The following ZNF451 variants were observed in gnomAD, a reference collection of about 807,000 sequenced individuals.
ZNF451 encodes the protein zinc finger protein 451, also known as E3 SUMO-protein ligase ZNF451.
Under a neutral mutation model 107.1 loss-of-function variants are expected in ZNF451, and 80 were observed. The ratio of observed to expected loss-of-function variants is 0.75; its 90% CI spans 0.62 to 0.90. The LOEUF is 0.90. ZNF451 is among the 40% of genes least tolerant of loss of function. The probability of loss-of-function intolerance (pLI) is 0.00; values close to 1 mark genes in which losing one functional copy is unlikely to be tolerated. For missense variants in ZNF451, 1,107 were observed against 1,236.2 expected (o/e 0.90, Z 1.57); for synonymous variants, 362 against 406.5 (o/e 0.89, Z 1.32).
intron 13 of ZNF451, among the ~76,000 whole-genome samples, chr6:57,157,841 C>T (rs1763502457): frequency 6.6e-6 from 1 of 152,014 alleles, no homozygotes; most frequent in South Asian, 2.1e-4. Context: ...GCAGATATAA[C>T]TTGTCACTTA....
At chr6:57,108,908 A>G in intron 3 of ZNF451, 1 of 985,434 alleles carries the variant, frequency 1.0e-6, no homozygotes, top group Non-Finnish European at 1.2e-6. Flanking sequence ...ACTGAGCTTT[A>G]AATATGGACT....
intron 3 of ZNF451, chr6:57,106,035 C>T: frequency 1.0e-6 from 1 of 983,048 alleles, no homozygotes; most frequent in Non-Finnish European, 1.2e-6. Context: ...TAGTACTACA[C>T]TAATAATTTA....
At position 57,147,866 on chromosome 6, in the gene ZNF451, A is replaced by C; in HGVS notation, c.1781A>C (p.Asp594Ala). 6.2e-7 allele frequency: 1 copy of C among 1,614,150 alleles called. No homozygotes were observed. The highest frequency in any genetic ancestry group is 2.2e-5 in the East Asian group (1 of 44,880). Residue 594 changes from aspartate (D) to alanine (A), a missense_variant, in exon 10 of 15, where the codon GAT (aspartate) becomes GCT (alanine). Around this residue, in one of 5 missense-constraint regions of ZNF451, gnomAD observed 608 missense variants for 649.2 expected, o/e 0.94. Coordinates refer to ENST00000370706, the MANE Select transcript of ZNF451 (RefSeq NM_001031623.3). ...NKPSSAITVI[D>A]HSPANSSPRG... Reference sequence around the variant, plus strand: ...CCTTCATCAGCTATTACTGTTATTGATCATTCCCCGGCAAATAGTTCTCCG... The same window carrying C: ...CCTTCATCAGCTATTACTGTTATTGCTCATTCCCCGGCAAATAGTTCTCCG...
intron 2 of ZNF451, among the ~76,000 whole-genome samples, chr6:57,098,480 A>G (rs550058502): frequency 5.9e-5 from 9 of 152,060 alleles, no homozygotes; most frequent in African/African-American, 2.2e-4. Flanking sequence ...ATACTCCTCT[A>G]TGTGATTGAT....
chr6:57,092,926 A>G (rs1214058650), intron 2 of ZNF451: 1 of 152,212 alleles, frequency 6.6e-6, no homozygotes, highest in East Asian at 1.9e-4. Flanking sequence ...TTATTGAAAT[A>G]TACATAAAAG....
chr6:57,108,285 T>A lies in ZNF451; in HGVS notation c.186+9144T>A, dbSNP rs1275033571. 5.1e-6 allele frequency: 5 copies of A among 985,358 alleles called. No individual in the cohort carries two copies. In the East Asian group the frequency reaches 4.5e-4, roughly 89 times the overall value. 61.0% of individuals were successfully genotyped at this position (985,358 alleles called of 1,614,324 possible). Reference sequence around the variant, plus strand: ...TAGTACTGTTTTCTTTCATTACCCGTAAGAGTGGCTCTATCACAGCATTTA... The same window carrying A: ...TAGTACTGTTTTCTTTCATTACCCGAAAGAGTGGCTCTATCACAGCATTTA... On this transcript the variant is annotated intron_variant, in intron 3 of 14. Coordinates refer to ENST00000370706, the MANE Select transcript of ZNF451 (RefSeq NM_001031623.3).
chr6:57,117,548 T>C (rs1830432358), intron 3 of ZNF451, among the ~76,000 whole-genome samples: 2 of 152,186 alleles, frequency 1.3e-5, no homozygotes, highest in South Asian at 4.1e-4. Context: ...ATCTTCCTAG[T>C]GTCGTGAGTA....
At chr6:57,096,494 T>G (rs1468374313) in intron 2 of ZNF451, among the ~76,000 whole-genome samples, 2 of 151,566 alleles carry the variant, frequency 1.3e-5, no homozygotes, top group Admixed American at 6.6e-5. Context: ...CCTGTTTATC[T>G]TATTTTTTTC....
intron 13 of ZNF451, among the ~76,000 whole-genome samples, chr6:57,156,832 A>C (rs1763449749): frequency 6.6e-6 from 1 of 152,188 alleles, no homozygotes; most frequent in Non-Finnish European, 1.5e-5. Flanking sequence ...GTGGGGCATT[A>C]GATTCTCATA....
intron 3 of ZNF451, among the ~76,000 whole-genome samples, chr6:57,122,850 C>G (rs1462978428): frequency 6.6e-6 from 1 of 152,210 alleles, no homozygotes; most frequent in East Asian, 1.9e-4. Context: ...AACCGTGATT[C>G]TACCCAGCAA....
chr6:57,157,738 CCAAT>C (rs1434463643), intron 13 of ZNF451, among the ~76,000 whole-genome samples: 3 of 151,982 alleles, frequency 2.0e-5, no homozygotes, highest in Admixed American at 2.0e-4. Flanking sequence ...TCTGGTAATC[CCAAT>C]CAGAGAAGCC....
At chr6:57,150,629 A>C in intron 10 of ZNF451, 90 bp from the exon 11 acceptor site, 1 of 1,319,248 alleles carries the variant, frequency 7.6e-7, no homozygotes, top group Non-Finnish European at 1.0e-6. Flanking sequence ...GTATTTTTGC[A>C]TATTAGGCTT....
intron 13 of ZNF451, among the ~76,000 whole-genome samples, chr6:57,160,331 C>T (rs531685605): frequency 2.4e-4 from 37 of 151,164 alleles, no homozygotes; most frequent in Non-Finnish European, 4.3e-4. Context: ...TTTCTCGTCT[C>T]GTCTCGTCTC....
At chr6:57,116,408 C>G (rs538159960) in intron 3 of ZNF451, 1 of 152,010 alleles carries the variant, frequency 6.6e-6, no homozygotes. Flanking sequence ...AAAAATTAGC[C>G]GGGATGGTGA....
In ZNF451 at chr6:57,161,103, C is replaced by A; in HGVS notation, c.3090C>A (p.Asn1030Lys). Reference protein sequence around the residue: ...DTTKECDSDDNMGAKNTSIGE... With the variant: ...DTTKECDSDDKMGAKNTSIGE... ...TTACAGAATGTGACAGTGATGATAA[C>A]ATGGGTGCCAAAAATACTTCAATAG... Residue 1030 changes from asparagine to lysine, a missense_variant, in exon 14 of 15, where the codon AAC (asparagine) becomes AAA (lysine). By Grantham distance (94) the Asn-to-Lys change is moderately conservative. This residue lies in a region of ZNF451 where 151 missense variants were observed against 173.3 expected (regional missense o/e 0.87). Coordinates refer to ENST00000370706, the MANE Select transcript of ZNF451 (RefSeq NM_001031623.3). 6.4e-7 allele frequency: 1 copy of A among 1,562,742 alleles called. No individual in the cohort carries two copies. The highest frequency in any genetic ancestry group is 8.6e-7 in the Non-Finnish European group (1 of 1,160,164).
At chr6:57,098,349 T>G (rs1265603309) in intron 2 of ZNF451, among the ~76,000 whole-genome samples, 1 of 151,792 alleles carries the variant, frequency 6.6e-6, no homozygotes, top group Non-Finnish European at 1.5e-5. Flanking sequence ...TCAATCTCTT[T>G]TAGTTTTCCA....
intron 2 of ZNF451, among the ~76,000 whole-genome samples, chr6:57,091,738 C>T (rs1349550191): frequency 3.9e-5 from 6 of 152,136 alleles, no homozygotes; most frequent in Non-Finnish European, 8.8e-5. Flanking sequence ...TTTTGGAATG[C>T]CGTAGTTAGT....
Position 57,147,935 on chromosome 6 carries a change from C to T in ZNF451, c.1850C>T (p.Ser617Phe), listed in dbSNP as rs758150902. The change falls in exon 10 of 15, where the codon TCC (serine) becomes TTC (phenylalanine). Residue 617 changes from serine to phenylalanine, a missense_variant. Ser to Phe is a radical substitution (Grantham distance 155). Transcript: ENST00000370706. ...QCRICEDMFD[S>F]QEYVKQHCMS... The stretch of plus-strand genomic sequence containing the variant: ...CGGATTTGTGAAGATATGTTTGATT[C>T]CCAGGAATATGTAAAACAGCACTGC... 2.5e-6 allele frequency: 4 copies of T among 1,614,080 alleles called. No individual in the cohort carries two copies. The highest frequency in any genetic ancestry group is 3.4e-6 in the Non-Finnish European group (4 of 1,179,984).
intron 3 of ZNF451, chr6:57,106,942 A>G (rs987628088): frequency 1.1e-6 from 1 of 929,086 alleles, no homozygotes; most frequent in Non-Finnish European, 1.3e-6. Context: ...CCATTAAAAT[A>G]TTATTTTATG....
Sources: gnomAD v4.1 joint callset for allele counts (sites outside exome capture counted in the v4.1 genomes callset) on GRCh38, gnomAD v4.1.1 for gene constraint, gnomAD v4.1.1 regional missense constraint, MANE v1.5 for transcripts, NCBI Gene and HGNC (gene_info 2026-07-23, HGNC 2026-07-21) for gene names.